Variants in ACACA observed in about 807,000 individuals in gnomAD.
ACACA encodes acetyl-CoA carboxylase 1.
Under a neutral mutation model 296.1 loss-of-function variants are expected in ACACA, and 103 were observed. The observed-to-expected ratio is 0.35, with a 90% CI of 0.30 to 0.41. The LOEUF is 0.41. ACACA is among the 10% of genes least tolerant of loss of function. The pLI is 1.00. For missense variants in ACACA, 1,554 were observed against 2,989.7 expected (o/e 0.52, Z 11.20); for synonymous variants, 953 against 1,038.6 (o/e 0.92, Z 1.58).
chr17:37,247,345 C>G (rs1390247764), intron 18 of ACACA, among the ~76,000 whole-genome samples: 1 of 151,486 alleles, frequency 6.6e-6, no homozygotes, highest in Non-Finnish European at 1.5e-5. Context: ...CTCATAACAC[C>G]ATAACTGGTG....
At position 37,093,377 on chromosome 17, in the gene ACACA, G is replaced by A. The variant is rs181634217; in HGVS notation, c.6891+3619C>T. On this transcript the variant is annotated intron_variant, in intron 54 of 55. Transcript: ENST00000616317. ...GTGCTCAGGAGTCAGCCCCCTTTCC[G>A]CCGAGGTCAATCAGCTGTACATTTT... Among the ~76,000 whole-genome samples, 23 of 152,220 alleles carry A rather than the reference G, an allele frequency of 1.5e-4. No homozygotes were observed. The East Asian group carries it at 2.5e-3, about 17-fold the overall frequency.
intron 2 of ACACA, among the ~76,000 whole-genome samples, chr17:37,337,024 G>A (rs1009734086): frequency 2.0e-5 from 3 of 152,116 alleles, no homozygotes; most frequent in Admixed American, 2.0e-4. Context: ...GGCATCACCT[G>A]GGAACTTGTT....
At chr17:37,334,278 G>A (rs909117907) in intron 2 of ACACA, among the ~76,000 whole-genome samples, 7 of 151,998 alleles carry the variant, frequency 4.6e-5, no homozygotes, top group Non-Finnish European at 8.8e-5. Flanking sequence ...GGGCTTGACC[G>A]AGAGACAGCC....
rs899658982 is a variant in ACACA at position 37,113,810 on chromosome 17, G to A, written c.6275-545C>T. 2.0e-5 allele frequency among the ~76,000 whole-genome samples: 3 copies of A among 152,296 alleles called. No homozygotes were observed. The highest frequency in any genetic ancestry group is 1.3e-4 in the Admixed American group (2 of 15,298). Reference sequence around the variant, plus strand: ...CCTGCCCAGTGCCTGAACATAGTTAGTGCTCAACAAATATCTGCTGAATGA... The same window carrying A: ...CCTGCCCAGTGCCTGAACATAGTTAATGCTCAACAAATATCTGCTGAATGA... On this transcript the variant is annotated intron_variant, in intron 50 of 55. Transcript: ENST00000616317. This position sits in a 1 kb window ranked among gnomAD's most constrained non-coding sequence, Gnocchi z 4.0.
Position 37,263,552 on chromosome 17 carries a change from T to C in ACACA, c.1329+133A>G, listed in dbSNP as rs868176319. Reference sequence around the variant, plus strand: ...GGAGAACAGTAGAATTTTTTTTCTCTAAGAAAAGGATATAATTTTATTAAT... The same window carrying C: ...GGAGAACAGTAGAATTTTTTTTCTCCAAGAAAAGGATATAATTTTATTAAT... On this transcript the variant is annotated intron_variant, in intron 11 of 55. Coordinates refer to ENST00000616317, the MANE Select transcript of ACACA (RefSeq NM_198834.3). 5.6e-5 allele frequency: 46 copies of C among 818,902 alleles called. No individual in the cohort carries two copies. In the East Asian group the frequency reaches 1.1e-3, roughly 20 times the overall value. 50.7% of individuals were successfully genotyped at this position (818,902 alleles called of 1,614,324 possible).
chr17:37,146,535 T>C, intron 45 of ACACA, among the ~76,000 whole-genome samples: 1 of 151,974 alleles, frequency 6.6e-6, no homozygotes, highest in Non-Finnish European at 1.5e-5. Context: ...AGACAAATCA[T>C]CCCTGTGTCC....
At chr17:37,319,984 G>A (rs1391492266) in intron 3 of ACACA, among the ~76,000 whole-genome samples, 1 of 151,650 alleles carries the variant, frequency 6.6e-6, no homozygotes, top group Non-Finnish European at 1.5e-5. Context: ...AAACTTAGCT[G>A]GGAATGGTGG....
intron 50 of ACACA, among the ~76,000 whole-genome samples, chr17:37,117,497 T>C (rs183377969): frequency 6.6e-6 from 1 of 152,358 alleles, no homozygotes; most frequent in Admixed American, 6.5e-5. Context: ...ATTTGCATCC[T>C]ATCAAGCTAT....
chr17:37,248,503 T>C (rs887554037), intron 17 of ACACA, 90 bp downstream of exon 17: 4 of 969,744 alleles, frequency 4.1e-6, no homozygotes, highest in Non-Finnish European at 6.7e-6. Flanking sequence ...CCCCCATCCC[T>C]GCATTAAATC....
At chr17:37,241,381 G>A (rs947863627) in intron 23 of ACACA, among the ~76,000 whole-genome samples, 3 of 152,052 alleles carry the variant, frequency 2.0e-5, no homozygotes, top group Non-Finnish European at 4.4e-5. Flanking sequence ...AAATGGCAAG[G>A]AAAAAGAAAA....
chr17:37,168,023 C>T (rs375040575), intron 41 of ACACA, among the ~76,000 whole-genome samples: 46 of 152,320 alleles, frequency 3.0e-4, no homozygotes, highest in African/African-American at 9.6e-4. Context: ...TCAGGAGCCA[C>T]ATTCTGAGAC....
At chr17:37,181,438 A>C in intron 39 of ACACA, 82 bp from the exon 40 acceptor site, 1 of 1,484,728 alleles carries the variant, frequency 6.7e-7, no homozygotes, top group Non-Finnish European at 9.4e-7. Flanking sequence ...TTTTGCACAA[A>C]TATTATCTCT....
rs933713285 is a variant in ACACA at position 37,274,501 on chromosome 17, G to A, written c.902-202C>T. The A allele has an allele frequency of 1.0e-5, 7 of 677,658 alleles. No homozygotes were observed. The East Asian group carries it at 4.1e-4, about 39-fold the overall frequency. The allele number at this position is 677,658 out of a possible 1,614,324, so 42.0% of individuals were successfully genotyped here. A position where few individuals can be genotyped will look rare whatever the true frequency, so the allele number is the denominator to read the frequency against. On this transcript the variant is annotated intron_variant, in intron 8 of 55. Coordinates refer to ENST00000616317, the MANE Select transcript of ACACA (RefSeq NM_198834.3). ...TGACCCGGCAACTTGGGTTCTTAAC[G>A]CTGGCAAAAGCCAGCCGAACTAACA...
intron 3 of ACACA, chr17:37,301,335 TC>T: frequency 2.0e-6 from 2 of 978,898 alleles, no homozygotes; most frequent in South Asian, 4.7e-5. Context: ...ATTTAAAGCA[TC>T]CCCCTTTTAA....
rs9904194 is a variant in ACACA at position 37,399,967 on chromosome 17, G to A, written c.38+6295C>T. ...TGATGTACAACATGTGTTGATAGAT[G>A]TACTCATTGTGGAATGGCTAAATCA... On this transcript the variant is annotated intron_variant, in intron 1 of 55. Transcript: ENST00000616317. Among the ~76,000 whole-genome samples, 986 of 152,078 alleles carry A rather than the reference G, an allele frequency of 6.5e-3. 15 individuals are homozygous for A. The highest frequency in any genetic ancestry group is 0.022 in the African/African-American group (906 of 41,478).
At chr17:37,244,526 A>T in intron 21 of ACACA, 62 bp downstream of exon 21, 1 of 1,587,208 alleles carries the variant, frequency 6.3e-7, no homozygotes, top group East Asian at 2.2e-5. Context: ...TGAGACTTGG[A>T]ACTATTTTGG....
At chr17:37,190,014 GA>G (rs796314746) in intron 38 of ACACA, among the ~76,000 whole-genome samples, 3 of 122,382 alleles carry the variant, frequency 2.5e-5, no homozygotes, top group East Asian at 2.5e-4. Context: ...GTTTCTGTAA[GA>G]AAAAAAAGAA....
intron 1 of ACACA, chr17:37,358,893 G>A (rs1012324420): frequency 3.9e-5 from 37 of 957,720 alleles, no homozygotes; most frequent in Non-Finnish European, 4.2e-5. Context: ...GGCCGCGTGC[G>A]GGTGAGCGGA....
chr17:37,125,252 T>G (rs945420121), intron 48 of ACACA, among the ~76,000 whole-genome samples: 6 of 152,108 alleles, frequency 3.9e-5, no homozygotes, highest in African/African-American at 1.4e-4. Flanking sequence ...CATCTGATTA[T>G]AATCCAATAT....
Sources: gnomAD v4.1 joint callset for allele counts (sites outside exome capture counted in the v4.1 genomes callset) on GRCh38, gnomAD v4.1.1 for gene constraint, Gnocchi (gnomAD v3.1) non-coding constraint, MANE v1.5 for transcripts, NCBI Gene and HGNC (gene_info 2026-07-23, HGNC 2026-07-21) for gene names.